UPF2: variants seen among roughly 807,000 people sequenced by gnomAD.
UPF2 encodes UPF2 regulator of nonsense mediated mRNA decay.
In UPF2, 17 loss-of-function variants were observed where a neutral mutation model predicts 141.4. That is an observed-to-expected ratio of 0.12 (90% confidence interval 0.08 to 0.18). UPF2 has a LOEUF of 0.18. UPF2 is among the 10% of genes least tolerant of loss of function. UPF2 has a pLI of 1.00. For missense variants in UPF2, 1,152 were observed against 1,515.9 expected, an observed-to-expected ratio of 0.76 and a Z score of 3.99; for synonymous variants, 540 against 498.0, an observed-to-expected ratio of 1.08 and a Z score of -1.12.
intron 3 of UPF2, among the ~76,000 whole-genome samples, chr10:12,022,365 T>C (rs1283823734): frequency 2.0e-5 from 3 of 149,374 alleles, no homozygotes; most frequent in Non-Finnish European, 4.4e-5. Context: ...AGAGCTGAGA[T>C]CATGCCACTG....
intron 17 of UPF2, 79 bp from the exon 18 acceptor site, chr10:11,942,842 C>A: frequency 7.6e-7 from 1 of 1,307,732 alleles, no homozygotes. Flanking sequence ...TTAGTATTGA[C>A]AACTTGTTTA....
Position 11,936,133 on chromosome 10 carries a change from G to A in UPF2, c.3546+412C>T, listed in dbSNP as rs1043818250. Among the ~76,000 whole-genome samples, 9 of 152,110 alleles carry A rather than the reference G, an allele frequency of 5.9e-5. No homozygotes were observed. Among genetic ancestry groups the A allele is most frequent in the African/African-American group, 2.2e-4 (9 of 41,422 alleles). The stretch of plus-strand genomic sequence containing the variant: ...GCCTATAATCCAAGCACTTTGGGAG[G>A]CCGAGATGGGCAGATCACCTGAGGT... On this transcript the variant is annotated intron_variant, in intron 19 of 21. Coordinates refer to ENST00000357604, the MANE Select transcript of UPF2 (RefSeq NM_015542.4). The surrounding 1 kb of genome is among the most constrained non-coding windows in gnomAD (Gnocchi z 6.6).
At chr10:11,951,938 T>C in intron 15 of UPF2, 128 bp downstream of exon 15, 1 of 937,340 alleles carries the variant, frequency 1.1e-6, no homozygotes, top group East Asian at 2.4e-5. Flanking sequence ...CTAACACTAC[T>C]ACGTAACACT....
At position 11,935,780 on chromosome 10, in the gene UPF2, T is replaced by C. The variant is rs1419145534; in HGVS notation, c.3546+765A>G. ...TCAGGACCTGAAATAGAATAGTACC[T>C]GGCACGTAGTGATGCTCAATAGTTG... On this transcript the variant is annotated intron_variant, in intron 19 of 21. Transcript: ENST00000357604. The surrounding 1 kb of genome is among the most constrained non-coding windows in gnomAD (Gnocchi z 4.9). Among the ~76,000 whole-genome samples, 1 of 152,294 alleles carries C rather than the reference T, an allele frequency of 6.6e-6. No individual in the cohort carries two copies. The highest frequency in any genetic ancestry group is 1.9e-4 in the East Asian group (1 of 5,178).
chr10:11,943,230 C>A (rs952883398), intron 16 of UPF2, 62 bp from the exon 17 acceptor site: 11 of 1,302,582 alleles, frequency 8.4e-6, no homozygotes, highest in African/African-American at 1.5e-5. Flanking sequence ...ATTTTACATG[C>A]CTTAAAAAGA....
In UPF2 at chr10:11,977,510, A is replaced by G. The variant is rs74541242; in HGVS notation, c.1953+1547T>C. On this transcript the variant is annotated intron_variant, in intron 9 of 21. Coordinates refer to ENST00000357604, the MANE Select transcript of UPF2 (RefSeq NM_015542.4). ...TTCAAATGAGAGAGTACATATAGAC[A>G]GAATTTTCTTAATTTAAGTTTTTCA... 9.5e-3 allele frequency among the ~76,000 whole-genome samples: 1,448 copies of G among 152,338 alleles called. 24 individuals are homozygous for G. The highest frequency in any genetic ancestry group is 0.017 in the Middle Eastern group (5 of 294).
In UPF2 at chr10:12,029,798, C is replaced by T. The variant is rs556561441; in HGVS notation, c.366-274G>A. On this transcript the variant is annotated intron_variant, in intron 2 of 21. Coordinates refer to ENST00000357604, the MANE Select transcript of UPF2 (RefSeq NM_015542.4). ...CCAATATGGTGAAACCCCACCTCTA[C>T]TAAAAATACAAAAATTAGCTGGGCG... Among the ~76,000 whole-genome samples, 18 of 151,992 alleles carry T rather than the reference C, an allele frequency of 1.2e-4. No homozygotes were observed. The East Asian group carries it at 2.9e-3, about 25-fold the overall frequency.
rs762742082 is a variant in UPF2, at chr10:12,004,620, T to C, written c.1414A>G (p.Ile472Val). 1 of 1,613,894 alleles carries C rather than the reference T, an allele frequency of 6.2e-7. No homozygotes were observed. The highest frequency in any genetic ancestry group is 8.5e-7 in the Non-Finnish European group (1 of 1,179,916). The change falls in exon 5 of 22, where the codon ATT becomes GTT. Residue 472 changes from isoleucine (I) to valine (V), a missense_variant. Ile to Val is a conservative substitution (Grantham distance 29, BLOSUM62 3). This residue lies in a region of UPF2 where 739 missense variants were observed against 1,032.2 expected (regional missense o/e 0.72). Transcript: ENST00000357604. The stretch of plus-strand genomic sequence containing the variant: ...GCTGGGACAAAAGCCTTCAAATCAA[T>C]GAGGTTCTCATAAAAATTCCGAGCA... ...EDARNFYENL[I>V]DLKAFVPAIL...
At chr10:12,035,995 C>T (rs1004938940) in intron 1 of UPF2, 1 of 152,216 alleles carries the variant, frequency 6.6e-6, no homozygotes, top group Non-Finnish European at 1.5e-5. Context: ...CTAACCTTAT[C>T]ATCAAACTTT....
chr10:11,947,914 T>C (rs1474361646), intron 16 of UPF2, among the ~76,000 whole-genome samples: 1 of 152,012 alleles, frequency 6.6e-6, no homozygotes, highest in East Asian at 1.9e-4. Flanking sequence ...CAAGGGGTTT[T>C]ATGATAAAAA....
In UPF2 at chr10:11,980,439, C is replaced by T. The variant is rs76719676; in HGVS notation, c.1845-1274G>A. Among the ~76,000 whole-genome samples the T allele has an allele frequency of 0.056, 8,536 of 152,176 alleles. 317 individuals are homozygous for T. The highest frequency in any genetic ancestry group is 0.085 in the Non-Finnish European group (5,764 of 68,006). ...ATTAGAACAGACACAAATAATCATA[C>T]GAGTCTTAATTATCGCTGAGTGGAG... On this transcript the variant is annotated intron_variant, in intron 8 of 21. Transcript: ENST00000357604. This position sits in a 1 kb window ranked among gnomAD's most constrained non-coding sequence, Gnocchi z 4.2.
chr10:11,985,503 G>C (rs150380464), intron 8 of UPF2, among the ~76,000 whole-genome samples: 12,630 of 151,774 alleles, frequency 0.083, 722 homozygotes, highest in East Asian at 0.24. Flanking sequence ...TGGGCGTGGT[G>C]GAGGGCGCCT....
intron 11 of UPF2, among the ~76,000 whole-genome samples, chr10:11,961,410 C>A (rs145589197): frequency 6.6e-6 from 1 of 151,592 alleles, no homozygotes; most frequent in African/African-American, 2.4e-5. Flanking sequence ...TGAAGAACCA[C>A]GGGAAGAGCA....
chr10:11,999,512 CAAAAA>C (rs1325502291), intron 7 of UPF2, among the ~76,000 whole-genome samples: 1 of 100,398 alleles, frequency 1.0e-5, no homozygotes. Flanking sequence ...GACTCCATCT[CAAAAA>C]AAAAAAAAAA....
rs367804057 is a variant in UPF2 at position 11,930,545 on chromosome 10, G to A, written c.3689-560C>T. Among the ~76,000 whole-genome samples the A allele has an allele frequency of 2.7e-3, 413 of 152,312 alleles. 1 individual carries two copies. The highest frequency in any genetic ancestry group is 9.4e-3 in the African/African-American group (390 of 41,552). On this transcript the variant is annotated intron_variant, in intron 20 of 21. Coordinates refer to ENST00000357604, the MANE Select transcript of UPF2 (RefSeq NM_015542.4). ...TAACCCTACCACTTTGGGATGCAGA[G>A]GCGGGAGGACTGCTCAAGCTCAGGA...
chr10:11,974,274 T>G (rs1036043863), intron 9 of UPF2, among the ~76,000 whole-genome samples: 2 of 152,214 alleles, frequency 1.3e-5, no homozygotes, highest in Non-Finnish European at 2.9e-5. Flanking sequence ...AAGGAGATTT[T>G]GGGCTGAGAC....
At chr10:11,987,939 C>G (rs139385621) in intron 8 of UPF2, among the ~76,000 whole-genome samples, 1 of 151,896 alleles carries the variant, frequency 6.6e-6, no homozygotes, top group Non-Finnish European at 1.5e-5. Flanking sequence ...AAAAACTGTG[C>G]TGCAAATTAT....
chr10:12,022,542 GTAC>G (rs942005792), intron 3 of UPF2, among the ~76,000 whole-genome samples: 1 of 152,080 alleles, frequency 6.6e-6, no homozygotes, highest in African/African-American at 2.4e-5. Context: ...ATTAAAATGG[GTAC>G]TACTACTACA....
chr10:12,013,143 G>A (rs1467516445), intron 4 of UPF2, among the ~76,000 whole-genome samples: 1 of 150,830 alleles, frequency 6.6e-6, no homozygotes, highest in Non-Finnish European at 1.5e-5. Flanking sequence ...AAAAGTGTAA[G>A]AATTATGTAC....
Sources: allele counts gnomAD v4.1 joint callset (sites outside exome capture counted in the v4.1 genomes callset), GRCh38; gene constraint gnomAD v4.1.1; regional missense constraint gnomAD v4.1.1; non-coding constraint Gnocchi (gnomAD v3.1); transcripts MANE v1.5; gene names NCBI Gene and HGNC (gene_info 2026-07-23, HGNC 2026-07-21).